Variants in RANBP17 observed in about 807,000 individuals in gnomAD.
RANBP17 encodes RAN binding protein 17.
In RANBP17, 158 loss-of-function variants were observed where a neutral mutation model predicts 141.2. The ratio of observed to expected loss-of-function variants is 1.12; its 90% CI spans 0.98 to 1.28. The LOEUF (loss-of-function observed/expected upper bound fraction) is 1.28. Ranked by LOEUF, RANBP17 falls within the 50% of genes most tolerant of loss-of-function variation. The probability of loss-of-function intolerance (pLI) is 0.00; values close to 1 mark genes in which losing one functional copy is unlikely to be tolerated. For missense variants in RANBP17, 1,438 were observed against 1,290.7 expected, an observed-to-expected ratio of 1.11 and a Z score of -1.75; for synonymous variants, 430 against 450.0, an observed-to-expected ratio of 0.96 and a Z score of 0.56.
intron 27 of RANBP17, among the ~76,000 whole-genome samples, chr5:171,297,776 T>C (rs1048599851): frequency 2.0e-5 from 3 of 151,724 alleles, no homozygotes; most frequent in East Asian, 3.9e-4. Context: ...CTGACTTTTT[T>C]CCGTGTACCA....
intron 12 of RANBP17, among the ~76,000 whole-genome samples, chr5:170,948,558 AAAG>A (rs1231532905): frequency 2.6e-5 from 4 of 152,218 alleles, no homozygotes; most frequent in African/African-American, 9.6e-5. Context: ...GAAAGAAATT[AAAG>A]ATATAAATAA....
chr5:171,134,470 T>G (rs1757135013), intron 14 of RANBP17, among the ~76,000 whole-genome samples: 1 of 152,180 alleles, frequency 6.6e-6, no homozygotes. Flanking sequence ...AAGAATCTGT[T>G]TTTGAAGTTG....
At chr5:171,257,780 T>C (rs1030215234) in intron 24 of RANBP17, among the ~76,000 whole-genome samples, 6 of 151,966 alleles carry the variant, frequency 3.9e-5, no homozygotes, top group African/African-American at 1.5e-4. Flanking sequence ...GAGAATGAAA[T>C]CAAGTAGGCA....
At chr5:171,273,130 A>G (rs1484094748) in intron 25 of RANBP17, among the ~76,000 whole-genome samples, 1 of 152,166 alleles carries the variant, frequency 6.6e-6, no homozygotes, top group East Asian at 1.9e-4. Flanking sequence ...TGAAATGATG[A>G]TAGGGAAGCA....
intron 14 of RANBP17, among the ~76,000 whole-genome samples, chr5:171,052,759 A>G (rs768450551): frequency 1.1e-4 from 17 of 152,210 alleles, no homozygotes; most frequent in Non-Finnish European, 7.3e-5. Context: ...CAAAAATGCC[A>G]TTGAATTTTG....
intron 1 of RANBP17, among the ~76,000 whole-genome samples, chr5:170,875,498 A>AGAG (rs1432167781): frequency 6.6e-6 from 1 of 152,108 alleles, no homozygotes; most frequent in African/African-American, 2.4e-5. Context: ...CATAGTTCTC[A>AGAG]GAGGTTTGTT....
At position 170,904,410 on chromosome 5, in the gene RANBP17, T is replaced by C. The variant is rs565458552; in HGVS notation, c.490-5251T>C. Reference sequence around the variant, plus strand: ...GAGTGGCCACCACTGTATGAGTGGATGCCAGAAAAAACATACCTGTGCAAG... The same window carrying C: ...GAGTGGCCACCACTGTATGAGTGGACGCCAGAAAAAACATACCTGTGCAAG... On this transcript the variant is annotated intron_variant, in intron 5 of 27. Transcript: ENST00000523189. 2.9e-4 allele frequency: 45 copies of C among 156,658 alleles called. No individual in the cohort carries two copies. The South Asian group carries it at 8.5e-3, about 30-fold the overall frequency. 9.7% of individuals were successfully genotyped at this position (156,658 alleles called of 1,614,324 possible).
At position 171,265,699 on chromosome 5, in the gene RANBP17, G is replaced by C. The variant is rs559720336; in HGVS notation, c.2795G>C (p.Ser932Thr). ...LTTLDTVVSS[S>T]CCTSLDYIVT... ...TGTACAGATACAGTTGTCTCCTCCA[G>C]CTGCTGTACCAGTTTAGACTACATC... Residue 932 changes from serine to threonine, a missense_variant, in exon 25 of 28, where the codon AGC (serine) becomes ACC (threonine). Coordinates refer to ENST00000523189, the MANE Select transcript of RANBP17 (RefSeq NM_022897.5). The C allele has an allele frequency of 6.2e-7, 1 of 1,612,982 alleles. No homozygotes were observed. The highest frequency in any genetic ancestry group is 1.7e-5 in the Admixed American group (1 of 59,754).
At chr5:170,896,554 G>A (rs551482207) in intron 5 of RANBP17, among the ~76,000 whole-genome samples, 2 of 152,258 alleles carry the variant, frequency 1.3e-5, no homozygotes, top group South Asian at 4.1e-4. Flanking sequence ...TTTTGACTGG[G>A]CCAGGTGGCT....
intron 11 of RANBP17, among the ~76,000 whole-genome samples, chr5:170,920,418 A>T (rs1581147929): frequency 6.6e-6 from 1 of 151,984 alleles, no homozygotes; most frequent in Admixed American, 6.6e-5. Flanking sequence ...AATGTTGAGC[A>T]TATTTTCATG....
intron 5 of RANBP17, 59 bp from the exon 6 acceptor site, chr5:170,909,601 TA>T: frequency 4.4e-6 from 2 of 454,852 alleles, no homozygotes; most frequent in South Asian, 4.8e-5. Context: ...TTTTTTTTAG[TA>T]AATTTTGGTT....
chr5:170,951,415 G>T (rs1775201546), intron 12 of RANBP17, among the ~76,000 whole-genome samples: 1 of 152,004 alleles, frequency 6.6e-6, no homozygotes, highest in Non-Finnish European at 1.5e-5. Flanking sequence ...CAGCTATAAA[G>T]AAAAATAAGT....
At chr5:171,259,646 G>A (rs200685762) in intron 24 of RANBP17, among the ~76,000 whole-genome samples, 2 of 152,158 alleles carry the variant, frequency 1.3e-5, no homozygotes, top group East Asian at 1.9e-4. Flanking sequence ...TCATATGTGG[G>A]AGCTCAAAAA....
intron 14 of RANBP17, among the ~76,000 whole-genome samples, chr5:170,987,902 T>G (rs1778254972): frequency 6.6e-6 from 1 of 150,600 alleles, no homozygotes; most frequent in Admixed American, 6.7e-5. Context: ...ATGGGCTTAG[T>G]TTTTTTTTAA....
At chr5:170,913,858 T>C (rs1020173614) in intron 7 of RANBP17, among the ~76,000 whole-genome samples, 3 of 152,144 alleles carry the variant, frequency 2.0e-5, no homozygotes, top group Non-Finnish European at 4.4e-5. Flanking sequence ...CTGTTTACTT[T>C]TTGATACTGT....
chr5:170,895,507 T>C (rs1048411541), intron 4 of RANBP17, among the ~76,000 whole-genome samples: 23 of 152,172 alleles, frequency 1.5e-4, no homozygotes, highest in African/African-American at 4.8e-4. Flanking sequence ...ATGCCATCAT[T>C]ATAGGTATGT....
chr5:171,280,648 C>T (rs1251834099), intron 25 of RANBP17, among the ~76,000 whole-genome samples: 1 of 152,166 alleles, frequency 6.6e-6, no homozygotes, highest in South Asian at 2.1e-4. Context: ...GAGGAAGACT[C>T]CTTGTTTGTC....
chr5:171,299,565 C>A lies in RANBP17; in HGVS notation c.*707C>A, dbSNP rs1769016731. ...TTTCTTCAGGAGGAGTCATGTAGCCCCAGTCAGAAGTTCTGGGTGGTGCCA... is the reference window on the plus strand; with the variant it reads ...TTTCTTCAGGAGGAGTCATGTAGCCACAGTCAGAAGTTCTGGGTGGTGCCA... On this transcript the variant is annotated 3_prime_UTR_variant, in exon 28 of 28. Coordinates refer to ENST00000523189, the MANE Select transcript of RANBP17 (RefSeq NM_022897.5). The A allele has an allele frequency of 1.3e-5, 3 of 232,280 alleles. No homozygotes were observed. Among genetic ancestry groups the A allele is most frequent in the Admixed American group, 1.1e-4 (2 of 17,760 alleles). The allele number at this position is 232,280 out of a possible 1,614,324, so 14.4% of individuals were successfully genotyped here.
At chr5:171,050,369 T>C (rs1368320251) in intron 14 of RANBP17, among the ~76,000 whole-genome samples, 1 of 152,232 alleles carries the variant, frequency 6.6e-6, no homozygotes, top group Non-Finnish European at 1.5e-5. Context: ...TTCTTCACTC[T>C]TTGTATATAA....
Sources: gnomAD v4.1 joint callset for allele counts (sites outside exome capture counted in the v4.1 genomes callset) on GRCh38, gnomAD v4.1.1 for gene constraint, MANE v1.5 for transcripts, NCBI Gene and HGNC (gene_info 2026-07-23, HGNC 2026-07-21) for gene names.